ZBTB11: variants seen among roughly 807,000 people sequenced by gnomAD.
ZBTB11 encodes the protein zinc finger and BTB domain containing 11, also known as zinc finger and BTB domain-containing protein 11.
In ZBTB11, 68 loss-of-function variants were observed where a neutral mutation model predicts 113.1. The observed-to-expected ratio is 0.60, with a 90% CI of 0.49 to 0.74. The LOEUF (loss-of-function observed/expected upper bound fraction) is 0.74, where lower values mean the gene tolerates loss of function less well. Ranked by LOEUF, ZBTB11 falls within the 30% of genes least tolerant of loss-of-function variation. The pLI is 0.00. For missense variants in ZBTB11, 1,104 were observed against 1,279.4 expected (o/e 0.86, Z 2.09); for synonymous variants, 518 against 452.6 (o/e 1.14, Z -1.83).
At chr3:101,654,509 T>C (rs113656531) in intron 8 of ZBTB11, among the ~76,000 whole-genome samples, 195 bp downstream of exon 8, 49 of 152,316 alleles carry the variant, frequency 3.2e-4, no homozygotes, top group African/African-American at 1.1e-3. Flanking sequence ...GAAATCACTT[T>C]AAATGAGTGA....
At chr3:101,675,272 C>T (rs1362941304) in intron 1 of ZBTB11, among the ~76,000 whole-genome samples, 3 of 152,168 alleles carry the variant, frequency 2.0e-5, no homozygotes, top group African/African-American at 4.8e-5. Context: ...GCACTGATTA[C>T]TTCATTACCT....
Position 101,665,099 on chromosome 3 carries a change from A to G in ZBTB11, c.1488T>C (p.Phe496=), listed in dbSNP as rs374818953. The G allele has an allele frequency of 6.2e-7, 1 of 1,614,126 alleles. No homozygotes were observed. Among genetic ancestry groups the G allele is most frequent in the South Asian group, 1.1e-5 (1 of 91,080 alleles). ...TTCTATAAGTATCATCATCAGGGCC[A>G]AAGTCTGTCTTTGCTGTTGATGCAA... ...NLVASTAKTD[F]GPDDDTYRSR... The change falls in exon 4 of 11, where the codon TTT becomes TTC. Residue 496 remains phenylalanine (F), a synonymous_variant. Transcript: ENST00000312938.
intron 5 of ZBTB11, among the ~76,000 whole-genome samples, chr3:101,663,607 TG>T (rs545872248): frequency 7.0e-4 from 106 of 152,186 alleles, no homozygotes; most frequent in African/African-American, 2.4e-3. Flanking sequence ...AGAAAGACCT[TG>T]GGCCGGGTGT....
In ZBTB11 at chr3:101,671,173, C is replaced by T. The variant is rs1937080025; in HGVS notation, c.735G>A (p.Glu245=). 2 of 1,614,044 alleles carry T rather than the reference C, an allele frequency of 1.2e-6. No homozygotes were observed. Among genetic ancestry groups the T allele is most frequent in the African/African-American group, 2.7e-5 (2 of 74,928 alleles). ...CCTCATGACTGGAAACAGCTCCTTTCTCAATAAAAAGATCTCGAAAATACT... is the reference window on the plus strand; with the variant it reads ...CCTCATGACTGGAAACAGCTCCTTTTTCAATAAAAAGATCTCGAAAATACT... The part of the protein sequence containing the change: ...NSEYFRDLFI[E]KGAVSSHEAV... The change falls in exon 3 of 11, where the codon GAG becomes GAA. Residue 245 remains glutamate (E), a synonymous_variant. Transcript: ENST00000312938.
intron 3 of ZBTB11, among the ~76,000 whole-genome samples, chr3:101,668,223 T>G (rs1351693107): frequency 1.3e-5 from 2 of 150,858 alleles, no homozygotes; most frequent in Non-Finnish European, 2.9e-5. Context: ...GAGGGGAGTA[T>G]AGGAGGAGGT....
chr3:101,677,108 C>T lies in ZBTB11; in HGVS notation c.-194G>A, dbSNP rs1465358881. The T allele has an allele frequency of 3.4e-6, 2 of 595,460 alleles. No individual in the cohort carries two copies. Among genetic ancestry groups the T allele is most frequent in the South Asian group, 2.5e-5 (1 of 39,854 alleles). 36.9% of individuals were successfully genotyped at this position (595,460 alleles called of 1,614,324 possible). ...GTAACCAGGGGGAACTGCACTTCTC[C>T]AGCGCGCGGGATCCGCTGGCGACTG... On this transcript the variant is annotated 5_prime_UTR_variant, in exon 1 of 11. Transcript: ENST00000312938.
chr3:101,658,218 T>C (rs887662447), intron 6 of ZBTB11, among the ~76,000 whole-genome samples: 2 of 151,520 alleles, frequency 1.3e-5, no homozygotes, highest in African/African-American at 4.9e-5. Context: ...CTACCTCTTT[T>C]AAAAATTAAT....
At chr3:101,669,248 G>T (rs765679203) in intron 3 of ZBTB11, among the ~76,000 whole-genome samples, 10 of 152,182 alleles carry the variant, frequency 6.6e-5, no homozygotes, top group Non-Finnish European at 1.3e-4. Flanking sequence ...TGTCCGGGAT[G>T]GTCTCGAACT....
chr3:101,671,167 T>A lies in ZBTB11; in HGVS notation c.741A>T (p.Gly247=). ...CCACAGCCTCATGACTGGAAACAGC[T>A]CCTTTCTCAATAAAAAGATCTCGAA... ...EYFRDLFIEK[G]AVSSHEAVVD... Residue 247 remains glycine, a synonymous_variant, in exon 3 of 11, where the codon GGA becomes GGT. Transcript: ENST00000312938. The A allele has an allele frequency of 6.2e-7, 1 of 1,614,156 alleles. No individual in the cohort carries two copies. Among genetic ancestry groups the A allele is most frequent in the African/African-American group, 1.3e-5 (1 of 75,056 alleles).
chr3:101,658,352 A>T (rs1379388709), intron 6 of ZBTB11, among the ~76,000 whole-genome samples: 1 of 151,598 alleles, frequency 6.6e-6, no homozygotes, highest in Non-Finnish European at 1.5e-5. Context: ...CAGCCTCCCA[A>T]GTAGCTGGGA....
At chr3:101,654,909 T>C in intron 7 of ZBTB11, 88 bp from the exon 8 acceptor site, 7 of 991,090 alleles carry the variant, frequency 7.1e-6, no homozygotes, top group Non-Finnish European at 1.1e-5. Flanking sequence ...CATCTCACTC[T>C]GTTGCCCAGG....
At position 101,654,911 on chromosome 3, in the gene ZBTB11, T is replaced by C. The variant is rs1045519155; in HGVS notation, c.2192-90A>G. 6.3e-6 allele frequency: 6 copies of C among 956,494 alleles called. No homozygotes were observed. In the African/African-American group the frequency reaches 6.5e-5, roughly 10 times the overall value. The allele number at this position is 956,494 out of a possible 1,614,324, so 59.3% of individuals were successfully genotyped here. A position where few individuals can be genotyped will look rare whatever the true frequency, so the allele number is the denominator to read the frequency against. ...TTTTTTTGAGTGGCATCTCACTCTG[T>C]TGCCCAGGTTGGATGGAGTGCAGTG... is the stretch of plus-strand genomic sequence containing the variant. On this transcript the variant is annotated intron_variant, in intron 7 of 10. Transcript: ENST00000312938.
At position 101,665,814 on chromosome 3, in the gene ZBTB11, T is replaced by C. The variant is rs1470733176; in HGVS notation, c.779-6A>G. 1 of 1,571,982 alleles carries C rather than the reference T, an allele frequency of 6.4e-7. No individual in the cohort carries two copies. Among genetic ancestry groups the C allele is most frequent in the Non-Finnish European group, 8.6e-7 (1 of 1,164,116 alleles). ...GAAGCTGGCCTTACAAAAACCTGTA[T>C]GAATACAAAGAAGGTAAAGACAAAA... On this transcript the variant is annotated splice_region_variant and splice_polypyrimidine_tract_variant and intron_variant, in intron 3 of 10. Transcript: ENST00000312938.
rs759570331 is a variant in ZBTB11 at position 101,659,986 on chromosome 3, G to A, written c.1843C>T (p.His615Tyr). The change falls in exon 6 of 11, where the codon CAT (histidine) becomes TAT (tyrosine). Residue 615 changes from histidine to tyrosine, a missense_variant. Physicochemically the swap from His to Tyr is moderately conservative, Grantham distance 83. Coordinates refer to ENST00000312938, the MANE Select transcript of ZBTB11 (RefSeq NM_014415.4). ...QFQYSASLRA[H>Y]LIRHTRKDAP... ...TCTTTTCTGGTATGACGAATAAGATGTGCTCGCAAAGAGGCACTGTACTGA... is the reference window on the plus strand; with the variant it reads ...TCTTTTCTGGTATGACGAATAAGATATGCTCGCAAAGAGGCACTGTACTGA... The A allele has an allele frequency of 6.2e-7, 1 of 1,614,118 alleles. No homozygotes were observed. Among genetic ancestry groups the A allele is most frequent in the Non-Finnish European group, 8.5e-7 (1 of 1,180,012 alleles).
At position 101,676,751 on chromosome 3, in the gene ZBTB11, T is replaced by G; in HGVS notation, c.164A>C (p.His55Pro). ...GTLYYQRRQR[H>P]RKTFAELEVV... ...CTCCAGCTCCGCGAAGGTCTTGCGG[T>G]GCCGCTGCCGCCGCTGGTAATACAG... is the stretch of plus-strand genomic sequence containing the variant. Residue 55 changes from histidine (H) to proline (P), a missense_variant, in exon 1 of 11, where the codon CAC becomes CCC. By Grantham distance (77) the His-to-Pro change is moderately conservative (BLOSUM62 -2). Around this residue, in one of 5 missense-constraint regions of ZBTB11, gnomAD observed 245 missense variants for 272.5 expected, o/e 0.90. Coordinates refer to ENST00000312938, the MANE Select transcript of ZBTB11 (RefSeq NM_014415.4). 4.4e-6 allele frequency: 7 copies of G among 1,606,798 alleles called. No individual in the cohort carries two copies. The highest frequency in any genetic ancestry group is 5.9e-6 in the Non-Finnish European group (7 of 1,176,992).
At chr3:101,674,260 G>C (rs1306081833) in intron 1 of ZBTB11, among the ~76,000 whole-genome samples, 1 of 152,120 alleles carries the variant, frequency 6.6e-6, no homozygotes, top group Admixed American at 6.5e-5. Flanking sequence ...AGGCTGCAGT[G>C]AGCCGAGATC....
At chr3:101,668,675 G>C (rs950998837) in intron 3 of ZBTB11, among the ~76,000 whole-genome samples, 1 of 151,302 alleles carries the variant, frequency 6.6e-6, no homozygotes, top group Non-Finnish European at 1.5e-5. Context: ...ACAAAGAAAG[G>C]TGAATGTTTG....
In ZBTB11 at chr3:101,656,201, C is replaced by A. The variant is rs765603065; in HGVS notation, c.2094G>T (p.Gln698His). 1 of 1,599,622 alleles carries A rather than the reference C, an allele frequency of 6.3e-7. No homozygotes were observed. Among genetic ancestry groups the A allele is most frequent in the Admixed American group, 1.7e-5 (1 of 57,712 alleles). The change falls in exon 7 of 11, where the codon CAG becomes CAT. Residue 698 changes from glutamine to histidine, a missense_variant. Coordinates refer to ENST00000312938, the MANE Select transcript of ZBTB11 (RefSeq NM_014415.4). ...FIYKHGLKLHQSLHQSQKQFQ... is the reference protein window; with the variant it reads ...FIYKHGLKLHHSLHQSQKQFQ... Reference sequence around the variant, plus strand: ...ACTGCTTCTGTGATTGATGAAGACTCTGATGTAATTTTAGACCATGCTTAT... The same window carrying A: ...ACTGCTTCTGTGATTGATGAAGACTATGATGTAATTTTAGACCATGCTTAT...
chr3:101,673,104 A>C (rs998481601), intron 1 of ZBTB11, among the ~76,000 whole-genome samples: 2 of 152,256 alleles, frequency 1.3e-5, no homozygotes, highest in Admixed American at 1.3e-4. Context: ...ATTATATACA[A>C]GCCACTCACA....
Sources: allele counts gnomAD v4.1 joint callset (sites outside exome capture counted in the v4.1 genomes callset), GRCh38; gene constraint gnomAD v4.1.1; regional missense constraint gnomAD v4.1.1; transcripts MANE v1.5; gene names NCBI Gene and HGNC (gene_info 2026-07-23, HGNC 2026-07-21).